CACNA1S: variants seen among roughly 807,000 people sequenced by gnomAD.
CACNA1S encodes voltage-dependent L-type calcium channel subunit alpha-1S.
CACNA1S carries 126 observed loss-of-function variants against 207.4 expected under a neutral mutation model. That is an observed-to-expected ratio of 0.61 (90% CI 0.53 to 0.70). The LOEUF (loss-of-function observed/expected upper bound fraction) is 0.70, where lower values mean the gene tolerates loss of function less well. Among genes scored for constraint, CACNA1S ranks in the 30% least tolerant of loss-of-function variants. The pLI, the probability that CACNA1S is intolerant of heterozygous loss-of-function variation, is 0.00. For synonymous variants in CACNA1S, 960 were observed against 932.7 expected (o/e 1.03, Z -0.53); for missense variants, 2,349 against 2,422.8 (o/e 0.97, Z 0.64).
chr1:201,067,999 C>T (rs940973663), intron 19 of CACNA1S, among the ~76,000 whole-genome samples: 1 of 152,160 alleles, frequency 6.6e-6, no homozygotes, highest in Non-Finnish European at 1.5e-5. Context: ...TCCTTCTGCC[C>T]CCAGAGCCCA....
intron 14 of CACNA1S, among the ~76,000 whole-genome samples, chr1:201,073,909 G>C (rs1206281268): frequency 6.6e-6 from 1 of 152,184 alleles, no homozygotes; most frequent in African/African-American, 2.4e-5. Context: ...TGGGTGGAGT[G>C]TGGCTTTGTA....
intron 33 of CACNA1S, among the ~76,000 whole-genome samples, chr1:201,050,775 T>C (rs1303982633): frequency 6.6e-6 from 1 of 152,010 alleles, no homozygotes; most frequent in Non-Finnish European, 1.5e-5. Flanking sequence ...TAAGAACTTT[T>C]GGCAGCCTCT....
In CACNA1S at chr1:201,066,254, G is replaced by T; in HGVS notation, c.2720C>A (p.Ala907Asp). Residue 907 changes from alanine to aspartate, a missense_variant, in exon 21 of 44, where the codon GCC (alanine) becomes GAC (aspartate). Transcript: ENST00000362061. The surrounding 1 kb of genome is among the most constrained non-coding windows in gnomAD (Gnocchi z 4.3). ...RVLRVLRPLRAINRAKGLKHV... is the reference protein window; with the variant it reads ...RVLRVLRPLRDINRAKGLKHV... ...CTTCAACCCCTTGGCTCTGTTGATGGCTCTGAGTGGTCGGAGCACCCTCAG... is the reference window on the plus strand; with the variant it reads ...CTTCAACCCCTTGGCTCTGTTGATGTCTCTGAGTGGTCGGAGCACCCTCAG... The T allele has an allele frequency of 1.2e-6, 2 of 1,613,698 alleles. No individual in the cohort carries two copies. The highest frequency in any genetic ancestry group is 1.7e-6 in the Non-Finnish European group (2 of 1,179,950).
At position 201,066,761 on chromosome 1, in the gene CACNA1S, C is replaced by G; in HGVS notation, c.2657+126G>C. ...AACCCACAGGACCCCCTGCCTCCATCGGAGGCCCCGAGAGACCCTCCTCTT... is the reference window on the plus strand; with the variant it reads ...AACCCACAGGACCCCCTGCCTCCATGGGAGGCCCCGAGAGACCCTCCTCTT... On this transcript the variant is annotated intron_variant, in intron 20 of 43. Coordinates refer to ENST00000362061, the MANE Select transcript of CACNA1S (RefSeq NM_000069.3). The surrounding 1 kb of genome is among the most constrained non-coding windows in gnomAD (Gnocchi z 4.3). 1.4e-6 allele frequency: 1 copy of G among 739,592 alleles called. No homozygotes were observed. The allele number at this position is 739,592 out of a possible 1,614,324, so 45.8% of individuals were successfully genotyped here. A position where few individuals can be genotyped will look rare whatever the true frequency, so the allele number is the denominator to read the frequency against.
rs562885310 is a variant in CACNA1S at position 201,069,252 on chromosome 1, T to TCAGCAG, written c.2491-62_2491-57dup. 44 of 1,531,504 alleles carry TCAGCAG rather than the reference T, an allele frequency of 2.9e-5. No individual in the cohort carries two copies. The South Asian group carries it at 4.9e-4, about 17-fold the overall frequency. The allele number at this position is 1,531,504 out of a possible 1,614,324, so 94.9% of individuals were successfully genotyped here. ...GTGAGAGGAGGAGGGGGCAACAGTA[T>TCAGCAG]CAGCAGCAGCAGCAGCATAAAGCAG... On this transcript the variant is annotated intron_variant, in intron 18 of 43. Transcript: ENST00000362061.
chr1:201,082,512 C>G (rs1443342147), intron 10 of CACNA1S, among the ~76,000 whole-genome samples: 1 of 152,218 alleles, frequency 6.6e-6, no homozygotes, highest in Admixed American at 6.5e-5. Flanking sequence ...CTCCCTTTGA[C>G]TGCCTAGGGC....
At chr1:201,102,382 C>T (rs957081901) in intron 2 of CACNA1S, among the ~76,000 whole-genome samples, 8 of 152,186 alleles carry the variant, frequency 5.3e-5, no homozygotes, top group South Asian at 2.1e-4. Flanking sequence ...CCGGAAACAA[C>T]GAGGTGCCCA....
intron 2 of CACNA1S, among the ~76,000 whole-genome samples, chr1:201,100,608 C>A (rs1297037528): frequency 6.6e-6 from 1 of 152,166 alleles, no homozygotes; most frequent in Non-Finnish European, 1.5e-5. Context: ...ACCAGGGAAC[C>A]AAGCTCCCTC....
In CACNA1S at chr1:201,066,164, G is replaced by T. The variant is rs983290938; in HGVS notation, c.2745+65C>A. 8.8e-6 allele frequency: 13 copies of T among 1,479,992 alleles called. No individual in the cohort carries two copies. In the Admixed American group the frequency reaches 1.2e-4, roughly 13 times the overall value. 91.7% of individuals were successfully genotyped at this position (1,479,992 alleles called of 1,614,324 possible). Reference sequence around the variant, plus strand: ...AGCCATGGCTGGGCTGAGGTTTCTGGAGCGAGGAGGCCCCTGTAACCCCTC... The same window carrying T: ...AGCCATGGCTGGGCTGAGGTTTCTGTAGCGAGGAGGCCCCTGTAACCCCTC... On this transcript the variant is annotated intron_variant, in intron 21 of 43. Transcript: ENST00000362061. The surrounding 1 kb of genome is among the most constrained non-coding windows in gnomAD (Gnocchi z 4.3).
Position 201,062,488 on chromosome 1 carries a change from C to A in CACNA1S, c.2880G>T (p.Leu960Phe), listed in dbSNP as rs948135386. 1 of 1,499,658 alleles carries A rather than the reference C, an allele frequency of 6.7e-7. No individual in the cohort carries two copies. The highest frequency in any genetic ancestry group is 1.4e-5 in the African/African-American group (1 of 71,298). 92.9% of individuals were successfully genotyped at this position (1,499,658 alleles called of 1,614,324 possible). ...TGCACTCCTCCTCTGTCATCTTGGA[C>A]AAGTCGGTGCACCTGAAGAACTTCC... ...FKGKFFRCTD[L>F]SKMTEEECRG... The change falls in exon 23 of 44, where the codon TTG becomes TTT. Residue 960 changes from leucine (L) to phenylalanine (F), a missense_variant. Transcript: ENST00000362061.
chr1:201,045,387 G>C (rs1660437634), intron 38 of CACNA1S, among the ~76,000 whole-genome samples: 1 of 152,266 alleles, frequency 6.6e-6, no homozygotes, highest in Non-Finnish European at 1.5e-5. Flanking sequence ...TTGCTATAAA[G>C]GACATTTACT....
chr1:201,070,489 C>T, intron 16 of CACNA1S, 85 bp from the exon 17 acceptor site: 1 of 1,584,330 alleles, frequency 6.3e-7, no homozygotes, highest in Non-Finnish European at 8.6e-7. Context: ...CTCCTAGGAG[C>T]CCCTGCAGCC....
At position 201,054,543 on chromosome 1, in the gene CACNA1S, C is replaced by G; in HGVS notation, c.3628G>C (p.Gly1210Arg). ...CCTCCACCCAGGCAATACAGTCCCC[C>G]GCTGGAGGCCAGGAAAGTCTGTGGA... ...SEIDTFLASS[G>R]GLYCLGGGCG... is the part of the protein sequence containing the mutation. Residue 1210 changes from glycine to arginine, a missense_variant, in exon 29 of 44, where the codon GGG (glycine) becomes CGG (arginine). Gly to Arg is a moderately radical substitution (Grantham distance 125). Coordinates refer to ENST00000362061, the MANE Select transcript of CACNA1S (RefSeq NM_000069.3). The G allele has an allele frequency of 6.2e-7, 1 of 1,613,702 alleles. No homozygotes were observed. Among genetic ancestry groups the G allele is most frequent in the Non-Finnish European group, 8.5e-7 (1 of 1,179,876 alleles).
chr1:201,050,806 C>T (rs1209827609), intron 33 of CACNA1S, among the ~76,000 whole-genome samples, 178 bp downstream of exon 33: 4 of 152,040 alleles, frequency 2.6e-5, no homozygotes, highest in South Asian at 4.2e-4. Context: ...AAAAAGCACC[C>T]AGGAAACAAA....
intron 2 of CACNA1S, among the ~76,000 whole-genome samples, chr1:201,102,952 A>G (rs1662734682): frequency 6.6e-6 from 1 of 152,206 alleles, no homozygotes; most frequent in Admixed American, 6.5e-5. Flanking sequence ...AAGGAAGGGA[A>G]TGAACATTTA....
intron 26 of CACNA1S, 31 bp downstream of exon 26, chr1:201,060,627 A>G: frequency 6.2e-7 from 1 of 1,611,140 alleles, no homozygotes; most frequent in Non-Finnish European, 8.5e-7. Flanking sequence ...TCCCAGTCTG[A>G]TCAGACATTT....
Position 201,058,509 on chromosome 1 carries a change from G to C in CACNA1S, c.3526-18C>G. On this transcript the variant is annotated intron_variant, in intron 27 of 43. Transcript: ENST00000362061. ...AAGTAGCCCTGGGAAGGAAAAGGAT[G>C]GGAAAGCGAGGGGGTGAGCTTTGGG... The C allele has an allele frequency of 6.3e-7, 1 of 1,584,132 alleles. No individual in the cohort carries two copies. The highest frequency in any genetic ancestry group is 8.7e-7 in the Non-Finnish European group (1 of 1,152,870).
In CACNA1S at chr1:201,077,036, C is replaced by A. The variant is rs114191482; in HGVS notation, c.1711G>T (p.Val571Phe). ...TGCATGCCCAGGAGGGCGAAGATGACGATGAAGAGGAAGAGCAGCAGCAGC... is the reference window on the plus strand; with the variant it reads ...TGCATGCCCAGGAGGGCGAAGATGAAGATGAAGAGGAAGAGCAGCAGCAGC... The part of the protein sequence containing the change: ...SLLLLLFLFI[V>F]IFALLGMQLF... Residue 571 changes from valine to phenylalanine, a missense_variant, in exon 12 of 44, where the codon GTC (valine) becomes TTC (phenylalanine). By Grantham distance (50) the Val-to-Phe change is conservative (BLOSUM62 -1). Coordinates refer to ENST00000362061, the MANE Select transcript of CACNA1S (RefSeq NM_000069.3). The A allele has an allele frequency of 6.2e-7, 1 of 1,614,040 alleles. No homozygotes were observed. Among genetic ancestry groups the A allele is most frequent in the Non-Finnish European group, 8.5e-7 (1 of 1,180,018 alleles).
chr1:201,049,831 T>C (rs896636061), intron 34 of CACNA1S, among the ~76,000 whole-genome samples: 1 of 152,150 alleles, frequency 6.6e-6, no homozygotes, highest in Non-Finnish European at 1.5e-5. Context: ...CTTGGCACCA[T>C]CTCTTACCAG....
Sources: gnomAD v4.1 joint callset for allele counts (sites outside exome capture counted in the v4.1 genomes callset) on GRCh38, gnomAD v4.1.1 for gene constraint, Gnocchi (gnomAD v3.1) non-coding constraint, MANE v1.5 for transcripts, NCBI Gene and HGNC (gene_info 2026-07-23, HGNC 2026-07-21) for gene names.